Variants in NPNT observed in about 807,000 individuals in gnomAD.
The protein encoded by NPNT is nephronectin.
Under a neutral mutation model 68.6 loss-of-function variants are expected in NPNT, and 45 were observed. That is an observed-to-expected ratio of 0.66 (90% confidence interval 0.52 to 0.84). NPNT has a LOEUF of 0.84. Ranked by LOEUF, NPNT falls within the 40% of genes least tolerant of loss-of-function variation. NPNT has a pLI of 0.00. For synonymous variants in NPNT, 233 were observed against 253.3 expected (o/e 0.92, Z 0.76); for missense variants, 672 against 714.8 (o/e 0.94, Z 0.68).
At chr4:105,904,079 C>T (rs778046480) in intron 2 of NPNT, among the ~76,000 whole-genome samples, 1 of 152,128 alleles carries the variant, frequency 6.6e-6, no homozygotes, top group Non-Finnish European at 1.5e-5. Context: ...CCATCTTGCC[C>T]AGCTGCCTCC....
intron 2 of NPNT, among the ~76,000 whole-genome samples, chr4:105,906,816 C>A (rs1578582013): frequency 1.3e-5 from 2 of 152,282 alleles, no homozygotes; most frequent in East Asian, 3.9e-4. Flanking sequence ...TTTTTAATAT[C>A]AATTTTGTAT....
intron 10 of NPNT, among the ~76,000 whole-genome samples, chr4:105,966,562 G>A (rs1421815463): frequency 6.6e-6 from 1 of 152,054 alleles, no homozygotes; most frequent in Non-Finnish European, 1.5e-5. Flanking sequence ...CCAGGAAGAC[G>A]GGGAGGGTTT....
intron 3 of NPNT, among the ~76,000 whole-genome samples, chr4:105,933,575 C>T (rs2149363155): frequency 6.6e-6 from 1 of 152,280 alleles, no homozygotes; most frequent in Non-Finnish European, 1.5e-5. Flanking sequence ...GACATATTGA[C>T]ATCTGTTTGC....
Position 105,968,999 on chromosome 4 carries a change from G to A in NPNT, c.*9G>A. 6.5e-7 allele frequency: 1 copy of A among 1,536,732 alleles called. No individual in the cohort carries two copies. Among genetic ancestry groups the A allele is most frequent in the Non-Finnish European group, 9.0e-7 (1 of 1,111,190 alleles). The stretch of plus-strand genomic sequence containing the variant: ...GCTCTGAAGAACGCTAACAACTCCA[G>A]AACTAACAATGAACTCCTATGTTGC... On this transcript the variant is annotated 3_prime_UTR_variant, in exon 12 of 12. Transcript: ENST00000379987.
chr4:105,917,177 A>G (rs10008593), intron 2 of NPNT, among the ~76,000 whole-genome samples: 9 of 152,070 alleles, frequency 5.9e-5, no homozygotes, highest in Non-Finnish European at 1.3e-4. Context: ...TTGCCTTATC[A>G]GTGGAGGACT....
At chr4:105,926,464 C>T (rs1413568276) in intron 2 of NPNT, among the ~76,000 whole-genome samples, 5 of 151,786 alleles carry the variant, frequency 3.3e-5, no homozygotes, top group Non-Finnish European at 7.4e-5. Flanking sequence ...TTAGCAGCAT[C>T]CTTGGCGCCT....
rs567107021 is a variant in NPNT, at chr4:105,917,634, A to T, written c.173-9702A>T. 1.9e-4 allele frequency among the ~76,000 whole-genome samples: 29 copies of T among 152,330 alleles called. No homozygotes were observed. The East Asian group carries it at 5.4e-3, about 28-fold the overall frequency. On this transcript the variant is annotated intron_variant, in intron 2 of 11. Coordinates refer to ENST00000379987, the MANE Select transcript of NPNT (RefSeq NM_001033047.3). ...AGTATGCACAGAGGCTTATGAAAGCACTGAAGAGGGTATGAACTCAGCATG... is the reference window on the plus strand; with the variant it reads ...AGTATGCACAGAGGCTTATGAAAGCTCTGAAGAGGGTATGAACTCAGCATG...
chr4:105,900,735 T>C (rs1261967228), intron 2 of NPNT, among the ~76,000 whole-genome samples: 4 of 152,142 alleles, frequency 2.6e-5, no homozygotes, highest in Admixed American at 2.0e-4. Context: ...CCACCCAACA[T>C]TCTATCCCAA....
intron 2 of NPNT, among the ~76,000 whole-genome samples, chr4:105,926,573 T>A (rs751756669): frequency 1.2e-4 from 19 of 152,108 alleles, no homozygotes; most frequent in Non-Finnish European, 2.1e-4. Flanking sequence ...GCCCCCCAGT[T>A]GAGAATCACT....
intron 2 of NPNT, chr4:105,898,259 C>A: frequency 3.6e-6 from 1 of 280,182 alleles, no homozygotes; most frequent in Non-Finnish European, 6.6e-6. Flanking sequence ...CCCAAATCTG[C>A]ATCTCCTTCC....
chr4:105,924,938 T>G (rs1210754453), intron 2 of NPNT, among the ~76,000 whole-genome samples: 2 of 152,200 alleles, frequency 1.3e-5, no homozygotes, highest in African/African-American at 4.8e-5. Context: ...TTTTTTTCAA[T>G]ATGGCATTCT....
chr4:105,897,738 C>T (rs984850120), intron 1 of NPNT, among the ~76,000 whole-genome samples, 163 bp from the exon 2 acceptor site: 1 of 152,172 alleles, frequency 6.6e-6, no homozygotes, highest in East Asian at 1.9e-4. Context: ...CATAGCAGAA[C>T]TATTTCTGTG....
At chr4:105,898,330 C>CTG (rs1726088630) in intron 2 of NPNT, among the ~76,000 whole-genome samples, 12 of 57,800 alleles carry the variant, frequency 2.1e-4, no homozygotes, top group East Asian at 4.9e-4. Flanking sequence ...CTCTCTCTGT[C>CTG]TCTCTCTCTC....
At chr4:105,895,866 G>A (rs1284043627) in intron 1 of NPNT, 143 bp downstream of exon 1, 1 of 724,464 alleles carries the variant, frequency 1.4e-6, no homozygotes. Context: ...AGCGTGGCGC[G>A]AGGAGAGCGG....
intron 8 of NPNT, among the ~76,000 whole-genome samples, chr4:105,957,611 C>T (rs2149399653): frequency 6.6e-6 from 1 of 152,128 alleles, no homozygotes; most frequent in Admixed American, 6.6e-5. Context: ...TGATTGATGC[C>T]CTCCAGGACC....
rs1430887615 is a variant in NPNT, at chr4:105,969,269, C to T, written c.*279C>T. ...CTCTTTCAGGAAGGCATTCAGCATG[C>T]GTGAGCCATACCATCCTCCATCCTG... On this transcript the variant is annotated 3_prime_UTR_variant, in exon 12 of 12. Coordinates refer to ENST00000379987, the MANE Select transcript of NPNT (RefSeq NM_001033047.3). 4 of 298,504 alleles carry T rather than the reference C, an allele frequency of 1.3e-5. No homozygotes were observed. Among genetic ancestry groups the T allele is most frequent in the African/African-American group, 2.1e-5 (1 of 47,546 alleles). The allele number at this position is 298,504 out of a possible 1,614,324, so 18.5% of individuals were successfully genotyped here.
At chr4:105,942,796 G>A in intron 8 of NPNT, 94 bp downstream of exon 8, 1 of 1,210,624 alleles carries the variant, frequency 8.3e-7, no homozygotes. Context: ...AAACTCGTAA[G>A]AAGAACTAGC....
chr4:105,953,544 C>T (rs1730990753), intron 8 of NPNT, among the ~76,000 whole-genome samples: 1 of 152,170 alleles, frequency 6.6e-6, no homozygotes, highest in East Asian at 1.9e-4. Flanking sequence ...ATTTGCTTTT[C>T]TCTCTGATCA....
chr4:105,963,307 C>T (rs1450774530), intron 10 of NPNT, among the ~76,000 whole-genome samples: 5 of 152,120 alleles, frequency 3.3e-5, no homozygotes, highest in African/African-American at 9.7e-5. Flanking sequence ...GATTATACCA[C>T]TTATAAAAGA....
Sources: gnomAD v4.1 joint callset for allele counts (sites outside exome capture counted in the v4.1 genomes callset) on GRCh38, gnomAD v4.1.1 for gene constraint, MANE v1.5 for transcripts, NCBI Gene and HGNC (gene_info 2026-07-23, HGNC 2026-07-21) for gene names.